FAXC: variants seen among roughly 807,000 people sequenced by gnomAD.
FAXC encodes the protein failed axon connections homolog, metaxin like GST domain containing, also known as failed axon connections homolog.
In FAXC, 10 loss-of-function variants were observed where a neutral mutation model predicts 41.9. The observed-to-expected ratio is 0.24, with a 90% CI of 0.15 to 0.41. The LOEUF (loss-of-function observed/expected upper bound fraction) is 0.41. FAXC is among the 10% of genes least tolerant of loss of function. The pLI, the probability that FAXC is intolerant of heterozygous loss-of-function variation, is 1.00. For missense variants in FAXC, 399 were observed against 510.9 expected, an observed-to-expected ratio of 0.78 and a Z score of 2.11; for synonymous variants, 183 against 183.8, an observed-to-expected ratio of 1.00 and a Z score of 0.03.
intron 2 of FAXC, among the ~76,000 whole-genome samples, chr6:99,335,104 T>C (rs990701661): frequency 1.3e-5 from 2 of 152,252 alleles, no homozygotes; most frequent in Non-Finnish European, 2.9e-5. Flanking sequence ...TCCTCTGTGC[T>C]TCCACTGTAT....
intron 2 of FAXC, among the ~76,000 whole-genome samples, chr6:99,336,936 T>C (rs1305499621): frequency 6.6e-6 from 1 of 152,216 alleles, no homozygotes; most frequent in Non-Finnish European, 1.5e-5. Context: ...CCAGGAGCTA[T>C]CTGGAGTCAT....
intron 1 of FAXC, among the ~76,000 whole-genome samples, chr6:99,348,905 C>T (rs985040024): frequency 2.6e-5 from 4 of 152,194 alleles, no homozygotes; most frequent in Admixed American, 2.6e-4. Context: ...TCCCTCCCAG[C>T]ACCGGTTTAA....
chr6:99,317,453 G>A (rs145403176), intron 4 of FAXC, among the ~76,000 whole-genome samples: 2,552 of 152,266 alleles, frequency 0.017, 23 homozygotes, highest in Admixed American at 0.023. Context: ...AGTGGAAGTC[G>A]TGGCAATTTT....
intron 2 of FAXC, among the ~76,000 whole-genome samples, chr6:99,341,297 C>G (rs1388687961): frequency 6.6e-6 from 1 of 151,792 alleles, no homozygotes; most frequent in Non-Finnish European, 1.5e-5. Flanking sequence ...ATAAAACAAT[C>G]ATTTCAATAA....
At chr6:99,318,132 G>A (rs1357932094) in intron 4 of FAXC, among the ~76,000 whole-genome samples, 2 of 151,986 alleles carry the variant, frequency 1.3e-5, no homozygotes, top group Non-Finnish European at 2.9e-5. Flanking sequence ...GGTGGTGGGC[G>A]CCTTTAGTCC....
intron 2 of FAXC, among the ~76,000 whole-genome samples, chr6:99,337,564 G>C (rs1773259390): frequency 1.3e-5 from 2 of 152,012 alleles, no homozygotes; most frequent in African/African-American, 4.8e-5. Context: ...TGTACTGTTT[G>C]GAATTTTTCT....
At chr6:99,349,851 T>C (rs1773745184), upstream of FAXC, among the ~76,000 whole-genome samples, 1 of 151,538 alleles carries the variant, frequency 6.6e-6, no homozygotes, top group Non-Finnish European at 1.5e-5. Flanking sequence ...CAAAAACCGC[T>C]CGCCGCGCGC....
chr6:99,291,347 G>A (rs1278223284), intron 5 of FAXC, among the ~76,000 whole-genome samples: 1 of 152,210 alleles, frequency 6.6e-6, no homozygotes, highest in Non-Finnish European at 1.5e-5. Context: ...AGGAAATTAA[G>A]GAAGACCAGC....
At chr6:99,316,848 A>T (rs1180958333) in intron 4 of FAXC, among the ~76,000 whole-genome samples, 1 of 152,218 alleles carries the variant, frequency 6.6e-6, no homozygotes, top group African/African-American at 2.4e-5. Context: ...CTACAGCAAA[A>T]TTCAATCATT....
intron 4 of FAXC, among the ~76,000 whole-genome samples, chr6:99,322,987 A>G (rs1184417507): frequency 6.6e-6 from 1 of 152,236 alleles, no homozygotes; most frequent in African/African-American, 2.4e-5. Context: ...TTCCACATAT[A>G]CAGGGAATGG....
In FAXC at chr6:99,274,322, T is replaced by C. The variant is rs1770523821; in HGVS notation, c.*6842A>G. 6.6e-6 allele frequency: 1 copy of C among 152,242 alleles called. No homozygotes were observed. Among genetic ancestry groups the C allele is most frequent in the South Asian group, 2.1e-4 (1 of 4,830 alleles). The allele number at this position is 152,242 out of a possible 1,614,324, so 9.4% of individuals were successfully genotyped here. A position where few individuals can be genotyped will look rare whatever the true frequency, so the allele number is the denominator to read the frequency against. ...ATAGATTGCACTTGTTTTTGATTTA[T>C]AAACCTGTACTTTTTATTATTTTAG... On this transcript the variant is annotated 3_prime_UTR_variant, in exon 6 of 6. Transcript: ENST00000389677.
intron 5 of FAXC, 71 bp from the exon 6 acceptor site, chr6:99,281,524 G>A: frequency 8.3e-7 from 1 of 1,204,042 alleles, no homozygotes; most frequent in Non-Finnish European, 1.2e-6. Context: ...GGTCTGTGTT[G>A]CCCCAAAACT....
intron 1 of FAXC, among the ~76,000 whole-genome samples, chr6:99,347,684 G>A (rs1488596063): frequency 2.6e-5 from 4 of 152,214 alleles, no homozygotes; most frequent in Non-Finnish European, 5.9e-5. Flanking sequence ...AAGCCTCATG[G>A]TTTGGGATCT....
rs1214077601 is a variant in FAXC at position 99,317,298 on chromosome 6, C to T, written c.823+6146G>A. Among the ~76,000 whole-genome samples the T allele has an allele frequency of 2.6e-5, 4 of 152,040 alleles. No homozygotes were observed. The East Asian group carries it at 7.7e-4, about 29-fold the overall frequency. On this transcript the variant is annotated intron_variant, in intron 4 of 5. Transcript: ENST00000389677. ...CCTAGAGGCTGGGCAGCAAGCCTCC[C>T]GATGAAGGGCACAGCTTCAACTCAC...
At chr6:99,303,434 A>G (rs1432651647) in intron 4 of FAXC, among the ~76,000 whole-genome samples, 1 of 152,146 alleles carries the variant, frequency 6.6e-6, no homozygotes. Context: ...ATGACATGGA[A>G]CTCCAGGGTC....
chr6:99,282,399 T>C (rs922091478), intron 5 of FAXC, among the ~76,000 whole-genome samples: 2 of 152,158 alleles, frequency 1.3e-5, no homozygotes, highest in Non-Finnish European at 2.9e-5. Context: ...TAACTCAGAA[T>C]TGTCTTTATG....
rs765302930 is a variant in FAXC, at chr6:99,274,721, C to A, written c.*6443G>T. 2.0e-5 allele frequency: 3 copies of A among 152,172 alleles called. No homozygotes were observed. The highest frequency in any genetic ancestry group is 7.2e-5 in the African/African-American group (3 of 41,432). 9.4% of individuals were successfully genotyped at this position (152,172 alleles called of 1,614,324 possible). A position where few individuals can be genotyped will look rare whatever the true frequency, so the allele number is the denominator to read the frequency against. ...CATGTCACCCCTACTGAAGCAGAAGCCTTTAGCCTTATTTCTGTAAAAAAC... is the reference window on the plus strand; with the variant it reads ...CATGTCACCCCTACTGAAGCAGAAGACTTTAGCCTTATTTCTGTAAAAAAC... On this transcript the variant is annotated 3_prime_UTR_variant, in exon 6 of 6. Coordinates refer to ENST00000389677, the MANE Select transcript of FAXC (RefSeq NM_032511.4).
chr6:99,349,064 G>GC lies in FAXC; in HGVS notation c.266+42dup, dbSNP rs1337897783. ...CGCGCCAGCCCTGCCCTAGCCAGGT[G>GC]CCCCTCTCTGCGCCCCTGTGCGGGG... On this transcript the variant is annotated intron_variant, in intron 1 of 5. Coordinates refer to ENST00000389677, the MANE Select transcript of FAXC (RefSeq NM_032511.4). The GC allele has an allele frequency of 1.9e-6, 3 of 1,590,068 alleles. No homozygotes were observed. The East Asian group carries it at 6.7e-5, about 36-fold the overall frequency.
intron 5 of FAXC, among the ~76,000 whole-genome samples, chr6:99,286,203 T>C (rs753381532): frequency 2.0e-5 from 3 of 152,230 alleles, no homozygotes; most frequent in Non-Finnish European, 4.4e-5. Flanking sequence ...ACACTGAGCA[T>C]ATATCCTCTT....
Sources: allele counts gnomAD v4.1 joint callset (sites outside exome capture counted in the v4.1 genomes callset), GRCh38; gene constraint gnomAD v4.1.1; transcripts MANE v1.5; gene names NCBI Gene and HGNC (gene_info 2026-07-23, HGNC 2026-07-21).